Variants in RANBP10 observed in about 807,000 individuals in gnomAD.
RANBP10 encodes the protein ran-binding protein 10.
A neutral mutation model predicts 72.8 loss-of-function variants in RANBP10; 24 were observed. That is an observed-to-expected ratio of 0.33 (90% CI 0.24 to 0.46). The LOEUF (loss-of-function observed/expected upper bound fraction) is 0.46. Among genes scored for constraint, RANBP10 ranks in the 20% least tolerant of loss-of-function variants. The pLI is 1.00. For missense variants in RANBP10, 679 were observed against 817.5 expected, an observed-to-expected ratio of 0.83 and a Z score of 2.07; for synonymous variants, 310 against 322.3, an observed-to-expected ratio of 0.96 and a Z score of 0.41.
In RANBP10 at chr16:67,805,590, A is replaced by G. The variant is rs181917449; in HGVS notation, c.236-51T>C. 25 of 1,502,506 alleles carry G rather than the reference A, an allele frequency of 1.7e-5. No individual in the cohort carries two copies. In the African/African-American group the frequency reaches 3.4e-4, roughly 21 times the overall value. 93.1% of individuals were successfully genotyped at this position (1,502,506 alleles called of 1,614,324 possible). On this transcript the variant is annotated intron_variant, in intron 1 of 13. Transcript: ENST00000317506. ...TTTCAGCAGAAGGAAATGCAAATGG[A>G]AGCCTCATTTTTCTCTGCAACTCCT...
intron 5 of RANBP10, chr16:67,735,792 T>C (rs1325944545): frequency 2.0e-5 from 3 of 147,574 alleles, no homozygotes; most frequent in African/African-American, 5.0e-5. Context: ...AACCAAAAGA[T>C]AGATACATGG....
chr16:67,752,371 C>T (rs970392794), intron 3 of RANBP10, among the ~76,000 whole-genome samples: 1 of 152,062 alleles, frequency 6.6e-6, no homozygotes, highest in African/African-American at 2.4e-5. Context: ...CACAGGAGGC[C>T]GCTAGAAGCT....
At chr16:67,786,033 C>T (rs1238340636) in intron 2 of RANBP10, among the ~76,000 whole-genome samples, 2 of 150,912 alleles carry the variant, frequency 1.3e-5, no homozygotes, top group East Asian at 3.9e-4. Flanking sequence ...AAAAAAAAGA[C>T]ATCATCAAGA....
chr16:67,791,712 C>T (rs1189039191), intron 2 of RANBP10, among the ~76,000 whole-genome samples: 5 of 152,152 alleles, frequency 3.3e-5, no homozygotes, highest in Non-Finnish European at 7.3e-5. Flanking sequence ...CTATCAGAAC[C>T]TGCCCCAGAA....
At chr16:67,749,717 T>C (rs1330929415) in intron 3 of RANBP10, among the ~76,000 whole-genome samples, 2 of 152,190 alleles carry the variant, frequency 1.3e-5, no homozygotes, top group Non-Finnish European at 2.9e-5. Context: ...GGCAGGCTCA[T>C]GAGGCCGTCA....
In RANBP10 at chr16:67,727,887, T is replaced by A. The variant is rs761439025; in HGVS notation, c.1484A>T (p.His495Leu). 1.2e-6 allele frequency: 2 copies of A among 1,613,860 alleles called. No homozygotes were observed. Among genetic ancestry groups the A allele is most frequent in the Non-Finnish European group, 1.7e-6 (2 of 1,180,022 alleles). Reference protein sequence around the residue: ...QTDESSMDDRHPRRQLCGGNQ... With the variant: ...QTDESSMDDRLPRRQLCGGNQ... ...GCCCCCGCAGAGCTGCCGCCGAGGATGCCTGTCATCTGCATCCAGAACCCA... is the reference window on the plus strand; with the variant it reads ...GCCCCCGCAGAGCTGCCGCCGAGGAAGCCTGTCATCTGCATCCAGAACCCA... The change falls in exon 12 of 14, where the codon CAT becomes CTT. Residue 495 changes from histidine (H) to leucine (L), a missense_variant. Physicochemically the swap from His to Leu is moderately conservative, Grantham distance 99 (BLOSUM62 -3). Coordinates refer to ENST00000317506, the MANE Select transcript of RANBP10 (RefSeq NM_020850.3).
intron 6 of RANBP10, among the ~76,000 whole-genome samples, chr16:67,734,388 G>C (rs1198589454): frequency 6.6e-6 from 1 of 152,240 alleles, no homozygotes; most frequent in African/African-American, 2.4e-5. Flanking sequence ...AGCTAGCTCA[G>C]CTGGTCCTAG....
At chr16:67,759,198 G>A (rs547764049) in intron 3 of RANBP10, among the ~76,000 whole-genome samples, 2 of 152,350 alleles carry the variant, frequency 1.3e-5, no homozygotes, top group African/African-American at 2.4e-5. Context: ...GGCCTGGGAC[G>A]TCTACTCCTT....
chr16:67,769,198 T>G (rs1188261811), intron 3 of RANBP10, among the ~76,000 whole-genome samples: 4 of 152,042 alleles, frequency 2.6e-5, no homozygotes, highest in Non-Finnish European at 4.4e-5. Context: ...TCTCAGCACT[T>G]TGGGAGGCCG....
intron 2 of RANBP10, among the ~76,000 whole-genome samples, chr16:67,786,034 A>G (rs1247938910): frequency 6.6e-6 from 1 of 151,704 alleles, no homozygotes; most frequent in Non-Finnish European, 1.5e-5. Context: ...AAAAAAAGAC[A>G]TCATCAAGAG....
intron 2 of RANBP10, among the ~76,000 whole-genome samples, chr16:67,799,559 A>G (rs551425650): frequency 1.3e-4 from 20 of 152,154 alleles, no homozygotes; most frequent in Admixed American, 2.6e-4. Flanking sequence ...AGTGCCGGGA[A>G]TACAGGTGTG....
chr16:67,747,762 C>T (rs1035099675), intron 3 of RANBP10, among the ~76,000 whole-genome samples: 1 of 151,922 alleles, frequency 6.6e-6, no homozygotes, highest in Non-Finnish European at 1.5e-5. Context: ...GCCTCGGCCT[C>T]CCAAAGTGTT....
intron 3 of RANBP10, among the ~76,000 whole-genome samples, chr16:67,758,729 C>T (rs2054338078): frequency 6.6e-6 from 1 of 152,250 alleles, no homozygotes; most frequent in African/African-American, 2.4e-5. Context: ...AAGGACTTAA[C>T]TTGCCCTGAA....
intron 2 of RANBP10, among the ~76,000 whole-genome samples, chr16:67,805,020 T>C (rs919413354): frequency 4.6e-5 from 7 of 152,170 alleles, no homozygotes; most frequent in Admixed American, 2.0e-4. Context: ...TACTATCTCT[T>C]TGAAGGCTAC....
intron 2 of RANBP10, among the ~76,000 whole-genome samples, chr16:67,778,876 T>A (rs144484188): frequency 4.6e-5 from 7 of 152,048 alleles, no homozygotes; most frequent in Admixed American, 1.3e-4. Context: ...ATGGACTGCT[T>A]GAGCTCAGGA....
chr16:67,775,774 AGAGT>A (rs1483587785), intron 2 of RANBP10, among the ~76,000 whole-genome samples: 1 of 145,664 alleles, frequency 6.9e-6, no homozygotes, highest in African/African-American at 2.6e-5. Context: ...ACTGGGTGAC[AGAGT>A]GAGACTCCGT....
intron 5 of RANBP10, among the ~76,000 whole-genome samples, chr16:67,737,426 T>C (rs535106865): frequency 1.8e-4 from 28 of 151,930 alleles, no homozygotes; most frequent in African/African-American, 6.8e-4. Flanking sequence ...ACGATCTTGA[T>C]CTCCTGACCT....
intron 4 of RANBP10, among the ~76,000 whole-genome samples, chr16:67,743,911 C>G (rs2054017102): frequency 6.6e-6 from 1 of 152,236 alleles, no homozygotes; most frequent in Non-Finnish European, 1.5e-5. Flanking sequence ...TGCTGCTCCA[C>G]AGCAACCAGC....
chr16:67,780,101 G>A (rs1343744044), intron 2 of RANBP10, among the ~76,000 whole-genome samples: 75 of 152,148 alleles, frequency 4.9e-4, no homozygotes, highest in Non-Finnish European at 1.8e-4. Flanking sequence ...GCGTGGTGGC[G>A]GGTGCCTGTA....
Sources: allele counts gnomAD v4.1 joint callset (sites outside exome capture counted in the v4.1 genomes callset), GRCh38; gene constraint gnomAD v4.1.1; transcripts MANE v1.5; gene names NCBI Gene and HGNC (gene_info 2026-07-23, HGNC 2026-07-21).